SKOR2: variants seen among roughly 807,000 people sequenced by gnomAD.
SKOR2 encodes LBX1 corepressor 1-like protein.
A neutral mutation model predicts 69.1 loss-of-function variants in SKOR2; 47 were observed. That is an observed-to-expected ratio of 0.68 (90% confidence interval 0.54 to 0.87). The LOEUF is 0.87. Among genes scored for constraint, SKOR2 ranks in the 40% least tolerant of loss-of-function variants. SKOR2 has a pLI of 0.00. For missense variants in SKOR2, 1,404 were observed against 1,472.2 expected, an observed-to-expected ratio of 0.95 and a Z score of 0.76; for synonymous variants, 717 against 672.6, an observed-to-expected ratio of 1.07 and a Z score of -1.02.
Position 47,249,107 on chromosome 18 carries a change from A to C in SKOR2, c.77T>G (p.Leu26Arg), listed in dbSNP as rs1215205345. ...SPSSAFQPDT[L>R]SQPRPGHANL... is the part of the protein sequence containing the mutation. ...GGCGTGCCCTGGCCGCGGCTGGCTC[A>C]GCGTGTCGGGCTGGAAGGCGCTCGA... Residue 26 changes from leucine (L) to arginine (R), a missense_variant, in exon 2 of 9, where the codon CTG becomes CGG. Transcript: ENST00000425639. 1.3e-6 allele frequency: 2 copies of C among 1,536,148 alleles called. No individual in the cohort carries two copies. Among genetic ancestry groups the C allele is most frequent in the Non-Finnish European group, 1.7e-6 (2 of 1,146,874 alleles).
At chr18:47,220,130 C>A in intron 6 of SKOR2, 120 bp from the exon 7 acceptor site, 3 of 723,526 alleles carry the variant, frequency 4.1e-6, no homozygotes, top group South Asian at 3.8e-5. Flanking sequence ...GTATTTTTTT[C>A]ATAGGCAAAT....
At chr18:47,220,248 T>C (rs2064157191) in intron 6 of SKOR2, among the ~76,000 whole-genome samples, 1 of 152,130 alleles carries the variant, frequency 6.6e-6, no homozygotes, top group Non-Finnish European at 1.5e-5. Flanking sequence ...CCATCTAGTA[T>C]AATCTCTTGC....
intron 7 of SKOR2, among the ~76,000 whole-genome samples, chr18:47,216,844 TTAAATA>T (rs1401184920): frequency 6.6e-6 from 1 of 152,178 alleles, no homozygotes; most frequent in African/African-American, 2.4e-5. Context: ...TCTGTAAACT[TTAAATA>T]TAAAATAATT....
chr18:47,219,049 G>A (rs2064152962), intron 7 of SKOR2, among the ~76,000 whole-genome samples: 1 of 152,134 alleles, frequency 6.6e-6, no homozygotes, highest in African/African-American at 2.4e-5. Flanking sequence ...CTAGATATCT[G>A]GCTCTGTAGA....
At chr18:47,222,836 T>C (rs1443318116) in intron 6 of SKOR2, among the ~76,000 whole-genome samples, 1 of 152,202 alleles carries the variant, frequency 6.6e-6, no homozygotes, top group East Asian at 1.9e-4. Flanking sequence ...AGTGGAATGA[T>C]GAAAACTAGT....
chr18:47,227,461 C>T (rs183669488), intron 6 of SKOR2, among the ~76,000 whole-genome samples: 9 of 151,308 alleles, frequency 5.9e-5, no homozygotes, highest in Admixed American at 5.3e-4. Context: ...CTTCAGCCTC[C>T]TGAGTAGCTG....
chr18:47,224,025 C>T (rs1273778011), intron 6 of SKOR2, among the ~76,000 whole-genome samples: 1 of 151,934 alleles, frequency 6.6e-6, no homozygotes, highest in Admixed American at 6.6e-5. Context: ...CCTGCCTCAG[C>T]CTCCCGAGTA....
chr18:47,232,985 A>G (rs921840329), intron 4 of SKOR2, among the ~76,000 whole-genome samples: 11 of 152,102 alleles, frequency 7.2e-5, no homozygotes, highest in African/African-American at 2.4e-4. Flanking sequence ...TTTCAACATG[A>G]TATTATCAAT....
chr18:47,221,436 A>C (rs1395066086), intron 6 of SKOR2, among the ~76,000 whole-genome samples: 1 of 152,164 alleles, frequency 6.6e-6, no homozygotes, highest in African/African-American at 2.4e-5. Context: ...GGGGAACTGC[A>C]TATGGCTCAG....
At chr18:47,242,585 T>C (rs1341748569) in intron 4 of SKOR2, among the ~76,000 whole-genome samples, 1 of 152,130 alleles carries the variant, frequency 6.6e-6, no homozygotes, top group Admixed American at 6.6e-5. Flanking sequence ...GTTCCATCTT[T>C]TATAGCATAT....
chr18:47,211,247 T>C (rs899274687), intron 8 of SKOR2, among the ~76,000 whole-genome samples: 4 of 152,206 alleles, frequency 2.6e-5, no homozygotes, highest in African/African-American at 9.6e-5. Context: ...TGGATCAAAC[T>C]GATAAATGGC....
At position 47,247,072 on chromosome 18, in the gene SKOR2, C is replaced by A. The variant is rs1360559277; in HGVS notation, c.2112G>T (p.Pro704=). ...GGTGCGGGTGCTGGGCCAGAGGGGG[C>A]GGCGGGGGCGGCGGCGGCGGCGGCG... The part of the protein sequence containing the change: ...APPPPPPPPP[P]PPLAQHPHHR... The change falls in exon 2 of 9, where the codon CCG becomes CCT. Residue 704 remains proline (P), a synonymous_variant. Transcript: ENST00000425639. The surrounding 1 kb of genome is among the most constrained non-coding windows in gnomAD (Gnocchi z 6.6). 1.4e-6 allele frequency: 1 copy of A among 696,396 alleles called. No homozygotes were observed. The highest frequency in any genetic ancestry group is 1.9e-6 in the Non-Finnish European group (1 of 520,664). 43.1% of individuals were successfully genotyped at this position (696,396 alleles called of 1,614,324 possible).
intron 2 of SKOR2, 62 bp from the exon 3 acceptor site, chr18:47,245,623 ACAGTCAG>A (rs1011141037): frequency 7.1e-7 from 1 of 1,416,622 alleles, no homozygotes; most frequent in Non-Finnish European, 9.3e-7. Flanking sequence ...GCTAATGTCA[ACAGTCAG>A]CAGGAAGAAG....
At chr18:47,212,227 A>G in intron 7 of SKOR2, 76 bp from the exon 8 acceptor site, 1 of 1,191,284 alleles carries the variant, frequency 8.4e-7, no homozygotes, top group Non-Finnish European at 1.1e-6. Context: ...ACCCTTCATC[A>G]TGCCTAACAA....
intron 4 of SKOR2, among the ~76,000 whole-genome samples, chr18:47,242,770 C>T (rs1051463991): frequency 2.6e-5 from 4 of 151,824 alleles, no homozygotes; most frequent in Admixed American, 6.6e-5. Context: ...TACCAATAGC[C>T]GACTCCAAGG....
intron 4 of SKOR2, among the ~76,000 whole-genome samples, chr18:47,238,310 CTTTTCTTTTCTTTTT>C (rs1482830074): frequency 3.0e-5 from 4 of 133,764 alleles, no homozygotes; most frequent in African/African-American, 1.1e-4. Context: ...TAATTTTTTT[CTTTTCTTTTCTTTTT>C]TTTTTTTTTT....
chr18:47,235,263 A>C (rs1485784607), intron 4 of SKOR2, among the ~76,000 whole-genome samples: 1 of 152,210 alleles, frequency 6.6e-6, no homozygotes, highest in Admixed American at 6.5e-5. Context: ...CTGAGTGGGA[A>C]GATCACTTGA....
intron 7 of SKOR2, among the ~76,000 whole-genome samples, chr18:47,213,052 T>C (rs1391450828): frequency 6.6e-6 from 1 of 152,148 alleles, no homozygotes; most frequent in Admixed American, 6.6e-5. Flanking sequence ...ACTTGAAAAG[T>C]ACTTTCGAAT....
chr18:47,206,580 A>G lies in SKOR2; in HGVS notation c.*316T>C, dbSNP rs2064113816. 6.6e-6 allele frequency: 1 copy of G among 152,344 alleles called. No individual in the cohort carries two copies. The highest frequency in any genetic ancestry group is 1.5e-5 in the Non-Finnish European group (1 of 68,138). The allele number at this position is 152,344 out of a possible 1,614,324, so 9.4% of individuals were successfully genotyped here. A position where few individuals can be genotyped will look rare whatever the true frequency, so the allele number is the denominator to read the frequency against. On this transcript the variant is annotated 3_prime_UTR_variant, in exon 9 of 9. Coordinates refer to ENST00000425639, the MANE Select transcript of SKOR2 (RefSeq NM_001278063.4). ...GCTGATTTCCCATCCCAACTGGCTAACAGCACTTCCCATGCTCTGGGTTCA... is the reference window on the plus strand; with the variant it reads ...GCTGATTTCCCATCCCAACTGGCTAGCAGCACTTCCCATGCTCTGGGTTCA...
Sources: allele counts gnomAD v4.1 joint callset (sites outside exome capture counted in the v4.1 genomes callset), GRCh38; gene constraint gnomAD v4.1.1; non-coding constraint Gnocchi (gnomAD v3.1); transcripts MANE v1.5; gene names NCBI Gene and HGNC (gene_info 2026-07-23, HGNC 2026-07-21).